ATP5PD: variants seen among roughly 807,000 people sequenced by gnomAD.
The protein encoded by ATP5PD is ATP synthase peripheral stalk subunit d, also known as ATP synthase peripheral stalk subunit d, mitochondrial.
ATP5PD carries 13 observed loss-of-function variants against 22.6 expected under a neutral mutation model. The ratio of observed to expected loss-of-function variants is 0.58; its 90% CI spans 0.37 to 0.91. The LOEUF (loss-of-function observed/expected upper bound fraction) is 0.91, where lower values mean the gene tolerates loss of function less well. Among genes scored for constraint, ATP5PD ranks in the 40% least tolerant of loss-of-function variants. The pLI is 0.00. For synonymous variants in ATP5PD, 51 were observed against 65.0 expected (o/e 0.79, Z 1.03); for missense variants, 165 against 188.0 (o/e 0.88, Z 0.72).
intron 3 of ATP5PD, 166 bp from the exon 4 acceptor site, chr17:75,040,329 A>C: frequency 5.6e-6 from 4 of 712,690 alleles, no homozygotes; most frequent in Non-Finnish European, 7.4e-6. Context: ...TACGCATCTC[A>C]ATACTGGAGT....
At chr17:75,039,161 TGAAA>T in intron 5 of ATP5PD, 44 bp downstream of exon 5, 1 of 1,612,578 alleles carries the variant, frequency 6.2e-7, no homozygotes, top group Non-Finnish European at 8.5e-7. Flanking sequence ...TGTGTGGTCA[TGAAA>T]GAGAGAACCC....
chr17:75,043,992 A>G (rs964063895), intron 1 of ATP5PD, among the ~76,000 whole-genome samples: 1 of 150,150 alleles, frequency 6.7e-6, no homozygotes, highest in Admixed American at 6.6e-5. Flanking sequence ...ACATCGGATT[A>G]TACCCTAGCA....
At chr17:75,044,018 G>A (rs960451521) in intron 1 of ATP5PD, among the ~76,000 whole-genome samples, 3 of 143,394 alleles carry the variant, frequency 2.1e-5, no homozygotes, top group African/African-American at 8.3e-5. Context: ...AGCACACGTT[G>A]TGCACTTTTT....
chr17:75,040,230 G>A (rs527262008), intron 3 of ATP5PD, 67 bp from the exon 4 acceptor site: 10 of 1,586,058 alleles, frequency 6.3e-6, no homozygotes, highest in East Asian at 2.2e-5. Flanking sequence ...GTGAGTCGTC[G>A]CCAATACACC....
At chr17:75,045,121 C>T (rs1042912483) in intron 1 of ATP5PD, among the ~76,000 whole-genome samples, 2 of 152,230 alleles carry the variant, frequency 1.3e-5, no homozygotes, top group Non-Finnish European at 1.5e-5. Flanking sequence ...AGACATCACA[C>T]GTTGGTAGGA....
At chr17:75,040,454 G>T (rs1204943941) in intron 3 of ATP5PD, 6 of 417,718 alleles carry the variant, frequency 1.4e-5, no homozygotes, top group Non-Finnish European at 2.6e-5. Flanking sequence ...ATCTGAAAAG[G>T]ACAGCTGGAC....
chr17:75,045,661 G>C (rs1304014906), intron 1 of ATP5PD, among the ~76,000 whole-genome samples: 1 of 147,226 alleles, frequency 6.8e-6, no homozygotes, highest in Non-Finnish European at 1.5e-5. Flanking sequence ...CAGAGTTTAA[G>C]GTTCTCTCTT....
chr17:75,041,556 G>C (rs1367389147), intron 3 of ATP5PD: 1 of 152,588 alleles, frequency 6.6e-6, no homozygotes, highest in Non-Finnish European at 1.5e-5. Context: ...GAGCTTGGGA[G>C]GCAGAGGCTG....
intron 1 of ATP5PD, among the ~76,000 whole-genome samples, chr17:75,043,405 A>T (rs894220346): frequency 6.6e-6 from 1 of 152,186 alleles, no homozygotes; most frequent in Non-Finnish European, 1.5e-5. Flanking sequence ...TGAGGTCAGG[A>T]GTTCAAGACC....
intron 3 of ATP5PD, chr17:75,041,368 AAAG>A (rs2073158245): frequency 1.3e-5 from 2 of 148,836 alleles, no homozygotes; most frequent in South Asian, 2.1e-4. Context: ...AAAAAAAAAA[AAAG>A]AAGAGCAGAG....
At chr17:75,039,552 A>G (rs2073137010) in intron 4 of ATP5PD, 3 of 433,486 alleles carry the variant, frequency 6.9e-6, no homozygotes, top group Admixed American at 3.7e-5. Context: ...CACAGGGCTC[A>G]GCCACTGAAT....
intron 1 of ATP5PD, among the ~76,000 whole-genome samples, 197 bp from the exon 2 acceptor site, chr17:75,042,856 G>A (rs1226944712): frequency 6.6e-6 from 1 of 152,122 alleles, no homozygotes; most frequent in Non-Finnish European, 1.5e-5. Flanking sequence ...ACTCCAGCCT[G>A]GGAGACACAG....
At chr17:75,042,775 A>G (rs2073173881) in intron 1 of ATP5PD, 116 bp from the exon 2 acceptor site, 1 of 1,102,498 alleles carries the variant, frequency 9.1e-7, no homozygotes, top group Admixed American at 2.5e-5. Flanking sequence ...TCTTAGAAAC[A>G]TGCAAGTCTT....
chr17:75,044,403 C>T (rs2073191775), intron 1 of ATP5PD, among the ~76,000 whole-genome samples: 1 of 114,200 alleles, frequency 8.8e-6, no homozygotes, highest in Non-Finnish European at 1.6e-5. Flanking sequence ...GACGGGGTTT[C>T]ACCTTGTTAG....
chr17:75,039,685 T>G (rs946173242), intron 4 of ATP5PD: 9 of 267,318 alleles, frequency 3.4e-5, no homozygotes, highest in Non-Finnish European at 5.7e-5. Context: ...TTGGGTAATT[T>G]TTCTAATTCC....
At chr17:75,041,247 C>CG (rs1018968433) in intron 3 of ATP5PD, 3 of 149,326 alleles carry the variant, frequency 2.0e-5, no homozygotes, top group Non-Finnish European at 4.4e-5. Context: ...CCCAGTTACT[C>CG]GGGGGGATGA....
At chr17:75,043,625 A>AAC (rs1555640106) in intron 1 of ATP5PD, among the ~76,000 whole-genome samples, 4 of 151,828 alleles carry the variant, frequency 2.6e-5, no homozygotes, top group African/African-American at 7.3e-5. Context: ...AAAAAAAAAA[A>AAC]AAACAAACCC....
At chr17:75,042,096 A>G (rs922064852) in intron 3 of ATP5PD, 85 bp downstream of exon 3, 21 of 1,193,038 alleles carry the variant, frequency 1.8e-5, no homozygotes, top group Middle Eastern at 2.7e-4. Flanking sequence ...TCTGGCTGTC[A>G]TGCTGTGTAT....
intron 1 of ATP5PD, among the ~76,000 whole-genome samples, chr17:75,044,159 G>T (rs1399238710): frequency 1.3e-5 from 2 of 149,172 alleles, no homozygotes; most frequent in Non-Finnish European, 2.9e-5. Context: ...GGAGTAGCTG[G>T]GATTACAGGC....
Sources: allele counts gnomAD v4.1 joint callset (sites outside exome capture counted in the v4.1 genomes callset), GRCh38; gene constraint gnomAD v4.1.1; transcripts MANE v1.5; gene names NCBI Gene and HGNC (gene_info 2026-07-23, HGNC 2026-07-21).